SLCO2A1: variants seen among roughly 807,000 people sequenced by gnomAD.
SLCO2A1 encodes solute carrier organic anion transporter family member 2A1, also known as matrin F/G 1.
Under a neutral mutation model 71.7 loss-of-function variants are expected in SLCO2A1, and 60 were observed. The observed-to-expected ratio is 0.84, with a 90% CI of 0.68 to 1.04. The LOEUF (loss-of-function observed/expected upper bound fraction) is 1.04. SLCO2A1 is among the 50% of genes least tolerant of loss of function. The pLI is 0.00. For missense variants in SLCO2A1, 745 were observed against 813.4 expected (o/e 0.92, Z 1.02); for synonymous variants, 308 against 326.7 (o/e 0.94, Z 0.62).
chr3:133,982,832 G>T (rs972222687), intron 1 of SLCO2A1, among the ~76,000 whole-genome samples: 1 of 152,024 alleles, frequency 6.6e-6, no homozygotes, highest in Non-Finnish European at 1.5e-5. Flanking sequence ...GCACAAACAC[G>T]AGCAGGTCAC....
chr3:133,944,130 C>T (rs2108039798), intron 10 of SLCO2A1, among the ~76,000 whole-genome samples: 1 of 152,308 alleles, frequency 6.6e-6, no homozygotes, highest in South Asian at 2.1e-4. Flanking sequence ...CTTGCTGCTC[C>T]CTTTATCTGG....
intron 1 of SLCO2A1, among the ~76,000 whole-genome samples, chr3:134,003,522 T>G (rs968179066): frequency 3.3e-5 from 5 of 152,224 alleles, no homozygotes; most frequent in African/African-American, 7.2e-5. Flanking sequence ...CAGGTCTCCT[T>G]GCAGAAGCTT....
At chr3:133,953,141 A>T (rs1576431599) in intron 5 of SLCO2A1, among the ~76,000 whole-genome samples, 2 of 151,734 alleles carry the variant, frequency 1.3e-5, no homozygotes, top group African/African-American at 2.4e-5. Flanking sequence ...GGTTCACGCC[A>T]TTCTTCTGCC....
At chr3:133,982,088 G>T (rs573537156) in intron 1 of SLCO2A1, among the ~76,000 whole-genome samples, 1 of 152,310 alleles carries the variant, frequency 6.6e-6, no homozygotes, top group African/African-American at 2.4e-5. Context: ...CACATTATAG[G>T]TTATAGGTTA....
intron 1 of SLCO2A1, among the ~76,000 whole-genome samples, chr3:133,987,192 C>A (rs1384074840): frequency 7.3e-6 from 1 of 136,766 alleles, no homozygotes; most frequent in Non-Finnish European, 1.6e-5. Context: ...GGACTTCCTC[C>A]TCAGCCAGAG....
rs189700837 is a variant in SLCO2A1, at chr3:134,017,364, T to C, written c.96+12343A>G. On this transcript the variant is annotated intron_variant, in intron 1 of 13. Transcript: ENST00000310926. ...CTAAATCAATCATTTTGTCTGGCAC[T>C]AGGAACTCAGCTGACTTTCTCTATG... Among the ~76,000 whole-genome samples the C allele has an allele frequency of 3.3e-5, 5 of 152,334 alleles. No individual in the cohort carries two copies. In the East Asian group the frequency reaches 9.6e-4, roughly 29 times the overall value.
At chr3:133,987,131 G>GCCACCCC (rs1934731303) in intron 1 of SLCO2A1, among the ~76,000 whole-genome samples, 1 of 105,030 alleles carries the variant, frequency 9.5e-6, no homozygotes, top group African/African-American at 3.9e-5. Flanking sequence ...AAAATTCAAA[G>GCCACCCC]CCCCCCCCCC....
chr3:133,945,131 G>A lies in SLCO2A1; in HGVS notation c.1425C>T (p.Ser475=), dbSNP rs1463816614. ...EYLSPCHAGC[S]NINMSSATSK... ...AGGTTGCAGAGCTCATGTTGATGTT[G>A]CTGCAGCCGGCATGGCAAGGGGAGA... Residue 475 remains serine (S), a synonymous_variant, in exon 10 of 14, where the codon AGC becomes AGT. Coordinates refer to ENST00000310926, the MANE Select transcript of SLCO2A1 (RefSeq NM_005630.3). 6.2e-7 allele frequency: 1 copy of A among 1,613,846 alleles called. No individual in the cohort carries two copies. The highest frequency in any genetic ancestry group is 8.5e-7 in the Non-Finnish European group (1 of 1,179,886).
At chr3:133,981,391 T>C (rs1049852972) in intron 1 of SLCO2A1, among the ~76,000 whole-genome samples, 4 of 152,218 alleles carry the variant, frequency 2.6e-5, no homozygotes, top group African/African-American at 9.6e-5. Flanking sequence ...TTCCCCCTTC[T>C]GTGCCCTGGG....
chr3:133,958,708 CG>C (rs1933952369), intron 3 of SLCO2A1, among the ~76,000 whole-genome samples: 3 of 152,208 alleles, frequency 2.0e-5, no homozygotes, highest in Non-Finnish European at 4.4e-5. Context: ...TTTGACCAAA[CG>C]GATGCATTTC....
intron 1 of SLCO2A1, among the ~76,000 whole-genome samples, chr3:134,020,381 G>T (rs772334783): frequency 6.6e-6 from 1 of 152,146 alleles, no homozygotes; most frequent in South Asian, 2.1e-4. Flanking sequence ...GCGGATGGTC[G>T]AGGCAGCTCC....
chr3:134,001,393 G>A (rs1306444435), intron 1 of SLCO2A1, among the ~76,000 whole-genome samples: 1 of 152,168 alleles, frequency 6.6e-6, no homozygotes, highest in African/African-American at 2.4e-5. Context: ...TTACAGATGT[G>A]AGCCACCACG....
chr3:133,993,674 A>C (rs573964472), intron 1 of SLCO2A1, among the ~76,000 whole-genome samples: 32 of 152,322 alleles, frequency 2.1e-4, no homozygotes, highest in African/African-American at 7.0e-4. Flanking sequence ...AAACATTTTC[A>C]TCAAGTGCCA....
At chr3:134,011,890 CG>C (rs758088288) in intron 1 of SLCO2A1, among the ~76,000 whole-genome samples, 33 of 152,064 alleles carry the variant, frequency 2.2e-4, no homozygotes, top group African/African-American at 3.1e-4. Context: ...CAGAGGGAGG[CG>C]GGGGTAAGAA....
chr3:133,956,846 G>A (rs1442423166), intron 3 of SLCO2A1, among the ~76,000 whole-genome samples: 1 of 152,206 alleles, frequency 6.6e-6, no homozygotes, highest in African/African-American at 2.4e-5. Context: ...ACTTGAATAT[G>A]CAGAGAAAAC....
chr3:133,960,288 A>G (rs2108048535), intron 3 of SLCO2A1, among the ~76,000 whole-genome samples: 1 of 152,358 alleles, frequency 6.6e-6, no homozygotes, highest in East Asian at 1.9e-4. Flanking sequence ...CTGATAGCCA[A>G]AAGTTAGAAA....
At chr3:133,950,294 G>T (rs1206080462) in intron 6 of SLCO2A1, among the ~76,000 whole-genome samples, 1 of 152,080 alleles carries the variant, frequency 6.6e-6, no homozygotes, top group Non-Finnish European at 1.5e-5. Flanking sequence ...CCCCGGCTGG[G>T]CCTAGATTTT....
intron 11 of SLCO2A1, among the ~76,000 whole-genome samples, chr3:133,939,203 C>T (rs1374929677): frequency 2.0e-5 from 3 of 152,194 alleles, no homozygotes; most frequent in African/African-American, 7.2e-5. Flanking sequence ...GTAGCTGGTC[C>T]TGCCCCTAAC....
intron 1 of SLCO2A1, among the ~76,000 whole-genome samples, chr3:134,028,852 C>G (rs1267120166): frequency 1.3e-5 from 2 of 152,192 alleles, no homozygotes; most frequent in Non-Finnish European, 2.9e-5. Context: ...CAAAAGAGCC[C>G]GAGTGCGGAT....
Sources: allele counts gnomAD v4.1 joint callset (sites outside exome capture counted in the v4.1 genomes callset), GRCh38; gene constraint gnomAD v4.1.1; transcripts MANE v1.5; gene names NCBI Gene and HGNC (gene_info 2026-07-23, HGNC 2026-07-21).